The following SRFBP1 variants were observed in gnomAD, a reference collection of about 807,000 sequenced individuals.
SRFBP1 encodes serum response factor-binding protein 1.
SRFBP1 carries 47 observed loss-of-function variants against 45.5 expected under a neutral mutation model. That is an observed-to-expected ratio of 1.03 (90% CI 0.82 to 1.32). The LOEUF is 1.32. SRFBP1 is among the 40% of genes most tolerant of loss of function. SRFBP1 has a pLI of 0.00. For synonymous variants in SRFBP1, 203 were observed against 166.3 expected, an observed-to-expected ratio of 1.22 and a Z score of -1.70; for missense variants, 621 against 484.6, an observed-to-expected ratio of 1.28 and a Z score of -2.64.
intron 4 of SRFBP1, among the ~76,000 whole-genome samples, chr5:122,014,116 CATGT>C (rs1283680313): frequency 6.6e-6 from 1 of 152,076 alleles, no homozygotes; most frequent in African/African-American, 2.4e-5. Context: ...ACAATGTATG[CATGT>C]GTCAATATCA....
intron 4 of SRFBP1, among the ~76,000 whole-genome samples, chr5:122,014,494 T>C (rs1329326918): frequency 1.3e-5 from 2 of 152,030 alleles, no homozygotes; most frequent in Non-Finnish European, 2.9e-5. Context: ...AAACTTGATA[T>C]TCTTCCACAA....
chr5:122,003,705 C>T (rs113494954), intron 4 of SRFBP1, among the ~76,000 whole-genome samples: 4,172 of 152,260 alleles, frequency 0.027, 201 homozygotes, highest in African/African-American at 0.095. Flanking sequence ...CTTTTCTCCA[C>T]ATCCTCTCCA....
chr5:121,976,762 A>G (rs1752310582), intron 3 of SRFBP1, among the ~76,000 whole-genome samples: 1 of 150,586 alleles, frequency 6.6e-6, no homozygotes, highest in Non-Finnish European at 1.5e-5. Flanking sequence ...TAATATATAT[A>G]TGTGCATACA....
At chr5:121,981,793 A>G (rs560402913) in intron 3 of SRFBP1, among the ~76,000 whole-genome samples, 21 of 151,976 alleles carry the variant, frequency 1.4e-4, no homozygotes, top group Middle Eastern at 3.4e-3. Flanking sequence ...CTTTGTATGT[A>G]TTTCCGCTAT....
chr5:122,030,608 T>C (rs1167309729), downstream of SRFBP1, among the ~76,000 whole-genome samples: 2 of 152,166 alleles, frequency 1.3e-5, no homozygotes, highest in African/African-American at 4.8e-5. Flanking sequence ...CTTTTTTTTT[T>C]TTTTAACATC....
chr5:121,974,733 C>T (rs1752267245), intron 2 of SRFBP1, among the ~76,000 whole-genome samples: 1 of 151,622 alleles, frequency 6.6e-6, no homozygotes. Flanking sequence ...ACATTGTGTT[C>T]CATGTAATTT....
chr5:122,018,528 G>A (rs1047588473), intron 4 of SRFBP1, among the ~76,000 whole-genome samples: 1 of 152,156 alleles, frequency 6.6e-6, no homozygotes, highest in African/African-American at 2.4e-5. Context: ...AAAAGCTACA[G>A]GAGAAGCAGA....
At chr5:122,056,755 A>G (rs1288888778) in intron 2 of SRFBP1, among the ~76,000 whole-genome samples, 2 of 152,182 alleles carry the variant, frequency 1.3e-5, no homozygotes, top group Non-Finnish European at 2.9e-5. Context: ...GAGAAGATGC[A>G]TCAATGTGAA....
intron 7 of SRFBP1, among the ~76,000 whole-genome samples, chr5:122,024,606 A>G (rs1027444334): frequency 1.3e-5 from 2 of 152,304 alleles, no homozygotes; most frequent in South Asian, 4.1e-4. Context: ...GCCATAACTC[A>G]ATTAGCCATG....
chr5:122,076,040 G>T (rs1279304020), downstream of SRFBP1: 3 of 152,226 alleles, frequency 2.0e-5, no homozygotes, highest in East Asian at 5.8e-4. Context: ...TAATAATTTT[G>T]TAACTTCACT....
chr5:122,012,833 T>G (rs1427347471), intron 4 of SRFBP1, among the ~76,000 whole-genome samples: 1 of 152,118 alleles, frequency 6.6e-6, no homozygotes, highest in African/African-American at 2.4e-5. Flanking sequence ...CCTTTTTCTT[T>G]GAGGCTGACA....
intron 1 of SRFBP1, among the ~76,000 whole-genome samples, chr5:121,964,425 T>C (rs778930806): frequency 2.0e-5 from 3 of 152,188 alleles, no homozygotes; most frequent in African/African-American, 4.8e-5. Flanking sequence ...CTCAAACTTA[T>C]GAGTGAGAAC....
At chr5:122,014,927 G>C (rs1753167141) in intron 4 of SRFBP1, among the ~76,000 whole-genome samples, 1 of 152,106 alleles carries the variant, frequency 6.6e-6, no homozygotes, top group Admixed American at 6.5e-5. Context: ...CAGTAGATGT[G>C]TTTTTCAACA....
intron 4 of SRFBP1, among the ~76,000 whole-genome samples, chr5:122,012,154 CTAAT>C (rs1444905749): frequency 2.0e-5 from 3 of 151,930 alleles, no homozygotes; most frequent in African/African-American, 7.3e-5. Context: ...GAAGGTTAGT[CTAAT>C]TGATTGATAA....
intron 6 of SRFBP1, 113 bp downstream of exon 6, chr5:122,020,915 G>C (rs1411466692): frequency 2.0e-5 from 20 of 976,586 alleles, no homozygotes; most frequent in Admixed American, 3.5e-5. Context: ...AACCCATCCT[G>C]TTTTTAGACA....
chr5:122,014,204 A>C (rs1008297953), intron 4 of SRFBP1, among the ~76,000 whole-genome samples: 2 of 152,172 alleles, frequency 1.3e-5, no homozygotes, highest in African/African-American at 4.8e-5. Context: ...TTATAACAAT[A>C]TTTATATATT....
At chr5:122,016,856 G>A (rs1753202337) in intron 4 of SRFBP1, among the ~76,000 whole-genome samples, 1 of 152,212 alleles carries the variant, frequency 6.6e-6, no homozygotes, top group Non-Finnish European at 1.5e-5. Flanking sequence ...TTGAACAGAA[G>A]CTGTGTCTAA....
intron 2 of SRFBP1, 23 bp from the exon 3 acceptor site, chr5:121,975,292 A>T (rs780133813): frequency 3.1e-6 from 5 of 1,611,574 alleles, no homozygotes; most frequent in Non-Finnish European, 4.2e-6. Flanking sequence ...GCCTGGCTAC[A>T]TATCGTAATG....
At chr5:121,974,690 A>T (rs1213488856) in intron 2 of SRFBP1, among the ~76,000 whole-genome samples, 1 of 151,916 alleles carries the variant, frequency 6.6e-6, no homozygotes, top group African/African-American at 2.4e-5. Flanking sequence ...AGTAATTTGA[A>T]ATCTTCAGTA....
Sources: allele counts gnomAD v4.1 joint callset (sites outside exome capture counted in the v4.1 genomes callset), GRCh38; gene constraint gnomAD v4.1.1; transcripts MANE v1.5; gene names NCBI Gene and HGNC (gene_info 2026-07-23, HGNC 2026-07-21).